Variants in NAP1L1 observed in about 807,000 individuals in gnomAD.
NAP1L1 encodes the protein nucleosome assembly protein 1-like 1.
NAP1L1 carries 9 observed loss-of-function variants against 58.9 expected under a neutral mutation model. That is an observed-to-expected ratio of 0.15 (90% CI 0.09 to 0.27). The LOEUF is 0.27. Among genes scored for constraint, NAP1L1 ranks in the 10% least tolerant of loss-of-function variants. The pLI is 1.00. For synonymous variants in NAP1L1, 130 were observed against 138.3 expected (o/e 0.94, Z 0.42); for missense variants, 302 against 458.8 (o/e 0.66, Z 3.12).
At chr12:76,075,741 T>A (rs1014065662) in intron 1 of NAP1L1, among the ~76,000 whole-genome samples, 1 of 152,230 alleles carries the variant, frequency 6.6e-6, no homozygotes, top group African/African-American at 2.4e-5. Context: ...CCAGTTTGTC[T>A]ACCACATCAT....
chr12:76,037,922 G>T lies in NAP1L1; in HGVS notation c.*10507C>A, dbSNP rs1432818094. ...AGGGGAAATGACTAATGTTTTGTCT[G>T]GAAATGTATTGATATTATTCAAAAT... On this transcript the variant is annotated 3_prime_UTR_variant, in exon 15 of 15. Transcript: ENST00000618691. 6.6e-6 allele frequency: 1 copy of T among 152,134 alleles called. No individual in the cohort carries two copies. Among genetic ancestry groups the T allele is most frequent in the Non-Finnish European group, 1.5e-5 (1 of 68,036 alleles). The allele number at this position is 152,134 out of a possible 1,614,324, so 9.4% of individuals were successfully genotyped here. A position where few individuals can be genotyped will look rare whatever the true frequency, so the allele number is the denominator to read the frequency against.
At chr12:76,060,346 T>C in intron 4 of NAP1L1, 67 bp from the exon 5 acceptor site, 1 of 1,507,228 alleles carries the variant, frequency 6.6e-7, no homozygotes. Flanking sequence ...TTTGTCATAC[T>C]GAAACTGAAG....
At chr12:76,073,517 C>T (rs1003941087) in intron 2 of NAP1L1, among the ~76,000 whole-genome samples, 7 of 152,090 alleles carry the variant, frequency 4.6e-5, no homozygotes, top group South Asian at 2.1e-4. Context: ...TAAAGCCTCA[C>T]AAAACTTGAG....
chr12:76,049,424 C>T (rs1315201060), intron 13 of NAP1L1, 174 bp from the exon 14 acceptor site: 13 of 1,532,848 alleles, frequency 8.5e-6, no homozygotes, highest in Non-Finnish European at 1.1e-5. Context: ...AATTTCCCAA[C>T]ACAACTTGAG....
chr12:76,061,546 T>C (rs1251783366), intron 4 of NAP1L1, among the ~76,000 whole-genome samples: 1 of 152,222 alleles, frequency 6.6e-6, no homozygotes, highest in Non-Finnish European at 1.5e-5. Flanking sequence ...GTTGATTCCA[T>C]GTCTGCTAAT....
intron 2 of NAP1L1, among the ~76,000 whole-genome samples, chr12:76,073,191 G>C (rs1404994293): frequency 3.3e-5 from 5 of 151,978 alleles, no homozygotes; most frequent in Non-Finnish European, 5.9e-5. Context: ...ATGCGTAAGA[G>C]TGGCCCAAAT....
chr12:76,076,547 GAAATATATATATATATATATATAT>G (rs1377146601), intron 1 of NAP1L1, among the ~76,000 whole-genome samples: 1 of 79,494 alleles, frequency 1.3e-5, no homozygotes, highest in African/African-American at 4.9e-5. Context: ...TTTGGATATG[GAAATATATATATATATATATATAT>G]ATATATATAT....
At chr12:76,057,569 C>T in intron 6 of NAP1L1, 1 of 920,600 alleles carries the variant, frequency 1.1e-6, no homozygotes, top group Admixed American at 1.8e-5. Context: ...TCCAATAGGG[C>T]TGACTGCAAA....
At chr12:76,057,798 AG>A (rs1048799735) in intron 6 of NAP1L1, 3 of 1,551,440 alleles carry the variant, frequency 1.9e-6, no homozygotes, top group Non-Finnish European at 2.6e-6. Flanking sequence ...AAGGAACAGC[AG>A]GGGAAGAAGA....
At position 76,039,466 on chromosome 12, in the gene NAP1L1, A is replaced by C. The variant is rs1396801086; in HGVS notation, c.*8963T>G. 1 of 152,236 alleles carries C rather than the reference A, an allele frequency of 6.6e-6. No individual in the cohort carries two copies. Among genetic ancestry groups the C allele is most frequent in the Non-Finnish European group, 1.5e-5 (1 of 68,038 alleles). 9.4% of individuals were successfully genotyped at this position (152,236 alleles called of 1,614,324 possible). On this transcript the variant is annotated 3_prime_UTR_variant, in exon 15 of 15. Coordinates refer to ENST00000618691, the MANE Select transcript of NAP1L1 (RefSeq NM_004537.7). ...CCTAAGAGAAAAACCTATATAAGCC[A>C]CATTGTATTGGGGCTGTGTTATACA...
chr12:76,060,427 TA>T, intron 4 of NAP1L1, 148 bp from the exon 5 acceptor site: 1 of 718,240 alleles, frequency 1.4e-6, no homozygotes, highest in South Asian at 2.1e-5. Context: ...AAAAATCAAA[TA>T]GATATAAATA....
At chr12:76,049,095 TTTATTTA>T in intron 14 of NAP1L1, 98 bp downstream of exon 14, 1 of 1,152,288 alleles carries the variant, frequency 8.7e-7, no homozygotes, top group Admixed American at 1.8e-5. Flanking sequence ...GTCAATAGGC[TTTATTTA>T]TTAAAGACTT....
chr12:76,080,505 C>A (rs192595905), intron 1 of NAP1L1, among the ~76,000 whole-genome samples: 1 of 152,286 alleles, frequency 6.6e-6, no homozygotes, highest in East Asian at 1.9e-4. Flanking sequence ...CAGGTATGTA[C>A]TAGGCCGTAC....
rs573556122 is a variant in NAP1L1 at position 76,047,464 on chromosome 12, C to T, written c.*965G>A. ...TTTTTACACTTGCTTATTAGTATAG[C>T]ATCTCGTTCCAAAGCTGGTACCTTT... On this transcript the variant is annotated 3_prime_UTR_variant, in exon 15 of 15. Transcript: ENST00000618691. The T allele has an allele frequency of 1.4e-5, 2 of 145,644 alleles. No homozygotes were observed. Among genetic ancestry groups the T allele is most frequent in the South Asian group, 4.3e-4 (2 of 4,628 alleles). The allele number at this position is 145,644 out of a possible 1,614,324, so 9.0% of individuals were successfully genotyped here.
rs1304637574 is a variant in NAP1L1 at position 76,037,726 on chromosome 12, C to T, written c.*10703G>A. On this transcript the variant is annotated 3_prime_UTR_variant, in exon 15 of 15. Transcript: ENST00000618691. Reference sequence around the variant, plus strand: ...TCTGTAAACCTTTCATTCTTCAAAGCCCTATTCAAATCCCAGATTTCCTCT... The same window carrying T: ...TCTGTAAACCTTTCATTCTTCAAAGTCCTATTCAAATCCCAGATTTCCTCT... The T allele has an allele frequency of 6.6e-6, 1 of 152,176 alleles. No individual in the cohort carries two copies. The highest frequency in any genetic ancestry group is 2.4e-5 in the African/African-American group (1 of 41,442). The allele number at this position is 152,176 out of a possible 1,614,324, so 9.4% of individuals were successfully genotyped here. A position where few individuals can be genotyped will look rare whatever the true frequency, so the allele number is the denominator to read the frequency against.
chr12:76,068,541 A>G (rs1359647878), intron 3 of NAP1L1: 1 of 157,104 alleles, frequency 6.4e-6, no homozygotes, highest in Non-Finnish European at 1.4e-5. Flanking sequence ...TTAAAAAGAC[A>G]CACACTACAT....
chr12:76,075,716 A>C (rs1950145680), intron 1 of NAP1L1, among the ~76,000 whole-genome samples: 1 of 152,222 alleles, frequency 6.6e-6, no homozygotes, highest in Non-Finnish European at 1.5e-5. Context: ...ACATCAAAGA[A>C]ATCCAAGTAG....
rs2136945512 is a variant in NAP1L1, at chr12:76,047,834, A to G, written c.*595T>C. On this transcript the variant is annotated 3_prime_UTR_variant, in exon 15 of 15. Coordinates refer to ENST00000618691, the MANE Select transcript of NAP1L1 (RefSeq NM_004537.7). ...ACCTCACTGTGGTACCAGTAACTATACTGAGTCAGGTTACTTTACAGTTAA... is the reference window on the plus strand; with the variant it reads ...ACCTCACTGTGGTACCAGTAACTATGCTGAGTCAGGTTACTTTACAGTTAA... 6.6e-6 allele frequency: 1 copy of G among 152,336 alleles called. No homozygotes were observed. The highest frequency in any genetic ancestry group is 2.1e-4 in the South Asian group (1 of 4,826). 9.4% of individuals were successfully genotyped at this position (152,336 alleles called of 1,614,324 possible).
In NAP1L1 at chr12:76,042,303, T is replaced by G. The variant is rs1041416269; in HGVS notation, c.*6126A>C. 7.9e-5 allele frequency: 12 copies of G among 152,336 alleles called. No individual in the cohort carries two copies. The highest frequency in any genetic ancestry group is 2.6e-4 in the African/African-American group (11 of 41,586). The allele number at this position is 152,336 out of a possible 1,614,324, so 9.4% of individuals were successfully genotyped here. The stretch of plus-strand genomic sequence containing the variant: ...TTAGGAAGTGCTCATAGGCTCTAAG[T>G]ACTTTTGTTTCCTTATTAATGTTCA... On this transcript the variant is annotated 3_prime_UTR_variant, in exon 15 of 15. Transcript: ENST00000618691.
Sources: allele counts gnomAD v4.1 joint callset (sites outside exome capture counted in the v4.1 genomes callset), GRCh38; gene constraint gnomAD v4.1.1; transcripts MANE v1.5; gene names NCBI Gene and HGNC (gene_info 2026-07-23, HGNC 2026-07-21).